LIPK: variants seen among roughly 807,000 people sequenced by gnomAD.
The protein encoded by LIPK is lipase member K.
In LIPK, 32 loss-of-function variants were observed where a neutral mutation model predicts 48.6. The ratio of observed to expected loss-of-function variants is 0.66; its 90% CI spans 0.50 to 0.88. LIPK has a LOEUF of 0.88. LIPK is among the 40% of genes least tolerant of loss of function. The pLI, the probability that LIPK is intolerant of heterozygous loss-of-function variation, is 0.00. For synonymous variants in LIPK, 164 were observed against 157.4 expected, an observed-to-expected ratio of 1.04 and a Z score of -0.32; for missense variants, 507 against 478.5, an observed-to-expected ratio of 1.06 and a Z score of -0.56.
intron 9 of LIPK, among the ~76,000 whole-genome samples, chr10:88,748,264 G>A (rs1045941158): frequency 6.6e-6 from 1 of 152,130 alleles, no homozygotes; most frequent in Non-Finnish European, 1.5e-5. Context: ...GGGCCTGTGT[G>A]TGAGGGTTGG....
chr10:88,726,061 C>T (rs117206744), intron 2 of LIPK, among the ~76,000 whole-genome samples: 2,261 of 130,110 alleles, frequency 0.017, 36 homozygotes, highest in East Asian at 0.065. Context: ...CTTTCTCCTT[C>T]GGGCTTCCAG....
rs111405474 is a variant in LIPK, at chr10:88,734,335, A to G, written c.669+1784A>G. On this transcript the variant is annotated intron_variant, in intron 6 of 9. Coordinates refer to ENST00000404190, the MANE Select transcript of LIPK (RefSeq NM_001080518.2). ...AAAGGCTTTCTGAAACAAGAGAGAA[A>G]CATGAGCAACATTGAAGTGGTGAAG... is the stretch of plus-strand genomic sequence containing the variant. 1.6e-4 allele frequency among the ~76,000 whole-genome samples: 25 copies of G among 152,314 alleles called. 2 individuals are homozygous for G. The highest frequency in any genetic ancestry group is 5.8e-4 in the African/African-American group (24 of 41,572).
In LIPK at chr10:88,714,573, A is replaced by C. The variant is rs181617364; in HGVS notation, c.-12+8253A>C. Among the ~76,000 whole-genome samples, 141 of 152,282 alleles carry C rather than the reference A, an allele frequency of 9.3e-4. 2 individuals are homozygous for C. The East Asian group carries it at 0.015, about 16-fold the overall frequency. ...TTTTATAAAACAAATTCAACTTTTAAAGTAGATATAGAAATGTTCTTTTTC... is the reference window on the plus strand; with the variant it reads ...TTTTATAAAACAAATTCAACTTTTACAGTAGATATAGAAATGTTCTTTTTC... On this transcript the variant is annotated intron_variant, in intron 1 of 9. Coordinates refer to ENST00000404190, the MANE Select transcript of LIPK (RefSeq NM_001080518.2).
chr10:88,743,248 A>C lies in LIPK; in HGVS notation c.889-2A>C. 1 of 1,574,354 alleles carries C rather than the reference A, an allele frequency of 6.4e-7. No homozygotes were observed. The highest frequency in any genetic ancestry group is 8.7e-7 in the Non-Finnish European group (1 of 1,155,970). ...TATTTTAACGTGCTTATTTTATTTT[A>C]GGCTGTTAATTCTGGTCAGCTCCAA... is the stretch of plus-strand genomic sequence containing the variant. On this transcript the variant is annotated splice_acceptor_variant, in intron 8 of 9. Transcript: ENST00000404190. LOFTEE classifies it high-confidence loss of function.
chr10:88,748,485 C>T (rs1004721862), intron 9 of LIPK, among the ~76,000 whole-genome samples: 1 of 151,974 alleles, frequency 6.6e-6, no homozygotes, highest in East Asian at 1.9e-4. Context: ...GGTGTGGTGG[C>T]AGGCACCTGT....
chr10:88,744,297 G>A (rs1198034255), intron 9 of LIPK, among the ~76,000 whole-genome samples: 1 of 152,248 alleles, frequency 6.6e-6, no homozygotes, highest in African/African-American at 2.4e-5. Flanking sequence ...CCCTACCAGT[G>A]TGAACATACT....
intron 9 of LIPK, among the ~76,000 whole-genome samples, chr10:88,748,876 T>C (rs1842816794): frequency 6.6e-6 from 1 of 152,136 alleles, no homozygotes; most frequent in South Asian, 2.1e-4. Flanking sequence ...ATGATGTGAT[T>C]CTATATCTAA....
chr10:88,741,170 C>T (rs1236858333), intron 8 of LIPK, among the ~76,000 whole-genome samples: 1 of 152,092 alleles, frequency 6.6e-6, no homozygotes, highest in Non-Finnish European at 1.5e-5. Flanking sequence ...GCATTGATAT[C>T]CCCCCACTCT....
At chr10:88,732,809 G>A (rs1237199934) in intron 6 of LIPK, among the ~76,000 whole-genome samples, 1 of 152,170 alleles carries the variant, frequency 6.6e-6, no homozygotes, top group Non-Finnish European at 1.5e-5. Flanking sequence ...CAGATAGAGA[G>A]AACTTATTTG....
chr10:88,732,725 TC>T (rs1842493642), intron 6 of LIPK, among the ~76,000 whole-genome samples, 174 bp downstream of exon 6: 3 of 152,346 alleles, frequency 2.0e-5, no homozygotes, highest in South Asian at 2.1e-4. Context: ...TTCAGGGAAC[TC>T]CCCCTGTTGC....
chr10:88,714,477 C>T (rs1010411990), intron 1 of LIPK, among the ~76,000 whole-genome samples: 8 of 152,016 alleles, frequency 5.3e-5, no homozygotes, highest in Non-Finnish European at 8.8e-5. Flanking sequence ...TAATTTCTTC[C>T]GCATATTAGA....
intron 1 of LIPK, among the ~76,000 whole-genome samples, chr10:88,721,728 G>A (rs1263371073): frequency 6.6e-6 from 1 of 152,128 alleles, no homozygotes; most frequent in Non-Finnish European, 1.5e-5. Context: ...TCCAACACAA[G>A]GACCCCAGGT....
chr10:88,746,420 C>A (rs1368317467), intron 9 of LIPK, among the ~76,000 whole-genome samples: 1 of 152,132 alleles, frequency 6.6e-6, no homozygotes. Flanking sequence ...TGAAATTATA[C>A]TATGTACACT....
chr10:88,719,395 A>T (rs759812248), intron 1 of LIPK, among the ~76,000 whole-genome samples: 2 of 152,252 alleles, frequency 1.3e-5, no homozygotes, highest in Non-Finnish European at 2.9e-5. Flanking sequence ...GAAGCTAGTG[A>T]TGGAGTTGAG....
chr10:88,746,039 T>C (rs1224439602), intron 9 of LIPK, among the ~76,000 whole-genome samples: 2 of 152,110 alleles, frequency 1.3e-5, no homozygotes, highest in Non-Finnish European at 2.9e-5. Flanking sequence ...GAGAAGGACA[T>C]TAAATAAAGA....
intron 1 of LIPK, among the ~76,000 whole-genome samples, chr10:88,721,173 T>C (rs1842218918): frequency 6.6e-6 from 1 of 151,880 alleles, no homozygotes; most frequent in Non-Finnish European, 1.5e-5. Flanking sequence ...TAAGGATATA[T>C]GATATTATAT....
chr10:88,709,144 A>G (rs1776375739), intron 1 of LIPK, among the ~76,000 whole-genome samples: 1 of 152,208 alleles, frequency 6.6e-6, no homozygotes. Context: ...GACAGAATGA[A>G]ACAAAATTCA....
chr10:88,743,218 T>C, intron 8 of LIPK, 32 bp from the exon 9 acceptor site: 1 of 1,456,854 alleles, frequency 6.9e-7, no homozygotes, highest in Non-Finnish European at 9.4e-7. Flanking sequence ...ACTATTTTCT[T>C]ATATTATTTT....
chr10:88,737,894 A>G (rs1364889798), intron 7 of LIPK, 113 bp downstream of exon 7: 4 of 1,140,758 alleles, frequency 3.5e-6, no homozygotes. Flanking sequence ...TTGCATTTGG[A>G]ATGTAATTAG....
Sources: allele counts gnomAD v4.1 joint callset (sites outside exome capture counted in the v4.1 genomes callset), GRCh38; gene constraint gnomAD v4.1.1; transcripts MANE v1.5; gene names NCBI Gene and HGNC (gene_info 2026-07-23, HGNC 2026-07-21).